Variants in ABLIM2 observed in about 807,000 individuals in gnomAD.
The protein encoded by ABLIM2 is actin-binding LIM protein 2.
Under a neutral mutation model 97.7 loss-of-function variants are expected in ABLIM2, and 53 were observed. The ratio of observed to expected loss-of-function variants is 0.54; its 90% CI spans 0.44 to 0.68. ABLIM2 has a LOEUF of 0.68. Ranked by LOEUF, ABLIM2 falls within the 30% of genes least tolerant of loss-of-function variation. The probability of loss-of-function intolerance (pLI) is 0.00; values close to 1 mark genes in which losing one functional copy is unlikely to be tolerated. For missense variants in ABLIM2, 835 were observed against 867.2 expected, an observed-to-expected ratio of 0.96 and a Z score of 0.47; for synonymous variants, 361 against 345.8, an observed-to-expected ratio of 1.04 and a Z score of -0.49.
intron 15 of ABLIM2, 31 bp downstream of exon 15, chr4:8,009,019 G>T: frequency 1.2e-6 from 2 of 1,613,216 alleles, no homozygotes; most frequent in Non-Finnish European, 1.7e-6. Flanking sequence ...GAGCAAGGCT[G>T]TTCTCAGCCA....
intron 1 of ABLIM2, among the ~76,000 whole-genome samples, chr4:8,145,821 G>A (rs188300837): frequency 8.1e-5 from 12 of 147,966 alleles, no homozygotes; most frequent in East Asian, 6.0e-4. Flanking sequence ...TGTCAATACC[G>A]CTCACAGCCC....
intron 1 of ABLIM2, among the ~76,000 whole-genome samples, chr4:8,143,489 C>T (rs1222645887): frequency 1.3e-5 from 2 of 152,106 alleles, no homozygotes; most frequent in African/African-American, 4.8e-5. Flanking sequence ...CATACTCTCC[C>T]TCCCATCTCG....
rs1316051430 is a variant in ABLIM2 at position 8,085,616 on chromosome 4, C to T, written c.454+2553G>A. Among the ~76,000 whole-genome samples, 2 of 150,318 alleles carry T rather than the reference C, an allele frequency of 1.3e-5. No homozygotes were observed. Among genetic ancestry groups the T allele is most frequent in the Admixed American group, 6.6e-5 (1 of 15,088 alleles). ...CTCACGCGGGTCTGGGGGGTGCCCA[C>T]GCTGCAGCCCTGTCCACTCACGCAG... On this transcript the variant is annotated intron_variant, in intron 4 of 20. Coordinates refer to ENST00000447017, the MANE Select transcript of ABLIM2 (RefSeq NM_001130083.2). This position sits in a 1 kb window ranked among gnomAD's most constrained non-coding sequence, Gnocchi z 6.1.
rs141107378 is a variant in ABLIM2, at chr4:8,068,230, C to T, written c.676-7176G>A. Among the ~76,000 whole-genome samples the T allele has an allele frequency of 1.5e-3, 223 of 152,240 alleles. 1 individual carries two copies. Among genetic ancestry groups the T allele is most frequent in the African/African-American group, 4.9e-3 (203 of 41,554 alleles). ...CGCCCGCGTGGGGCTCATGATGGCTCGGATTTCAAAATATATGAGCAACTG... is the reference window on the plus strand; with the variant it reads ...CGCCCGCGTGGGGCTCATGATGGCTTGGATTTCAAAATATATGAGCAACTG... On this transcript the variant is annotated intron_variant, in intron 6 of 20. Coordinates refer to ENST00000447017, the MANE Select transcript of ABLIM2 (RefSeq NM_001130083.2). This position sits in a 1 kb window ranked among gnomAD's most constrained non-coding sequence, Gnocchi z 4.5.
In ABLIM2 at chr4:8,033,541, C is replaced by T. The variant is rs778698696; in HGVS notation, c.1047+2608G>A. 2.0e-5 allele frequency among the ~76,000 whole-genome samples: 3 copies of T among 152,162 alleles called. No homozygotes were observed. The highest frequency in any genetic ancestry group is 1.9e-4 in the East Asian group (1 of 5,186). ...CAGGAGCCCAGCCCTGTCCACCTGC[C>T]GAGGCAGGCCCCATGGGGTCGCACT... On this transcript the variant is annotated intron_variant, in intron 10 of 20. Transcript: ENST00000447017. The surrounding 1 kb of genome is among the most constrained non-coding windows in gnomAD (Gnocchi z 4.5).
chr4:8,028,634 ATCACTCATTCAC>A (rs1313572365), intron 11 of ABLIM2, among the ~76,000 whole-genome samples: 1 of 150,448 alleles, frequency 6.6e-6, no homozygotes, highest in East Asian at 1.9e-4. Context: ...CACTCATTCA[ATCACTCATTCAC>A]TCACTGACCC....
At position 8,072,031 on chromosome 4, in the gene ABLIM2, G is replaced by A. The variant is rs1001876304; in HGVS notation, c.675+5597C>T. 816 of 985,438 alleles carry A rather than the reference G, an allele frequency of 8.3e-4. No individual in the cohort carries two copies. Among genetic ancestry groups the A allele is most frequent in the Non-Finnish European group, 9.3e-4 (776 of 829,956 alleles). 61.0% of individuals were successfully genotyped at this position (985,438 alleles called of 1,614,324 possible). ...CGCCCGCAGTTCCCACCTTGCACCC[G>A]GGGAGGATGCTCAGAGCTGTGCAGA... On this transcript the variant is annotated intron_variant, in intron 6 of 20. Coordinates refer to ENST00000447017, the MANE Select transcript of ABLIM2 (RefSeq NM_001130083.2). This position sits in a 1 kb window ranked among gnomAD's most constrained non-coding sequence, Gnocchi z 5.8.
At chr4:8,089,450 T>G (rs188902895) in intron 3 of ABLIM2, among the ~76,000 whole-genome samples, 2 of 152,240 alleles carry the variant, frequency 1.3e-5, no homozygotes, top group Non-Finnish European at 1.5e-5. Context: ...AAATCCCCTG[T>G]GTGGCCAGGC....
intron 9 of ABLIM2, among the ~76,000 whole-genome samples, chr4:8,042,987 C>CA (rs1560894060): frequency 6.6e-6 from 1 of 151,930 alleles, no homozygotes; most frequent in Non-Finnish European, 1.5e-5. Flanking sequence ...CTCATCTCAA[C>CA]AAAAAATACA....
intron 16 of ABLIM2, among the ~76,000 whole-genome samples, chr4:7,994,614 A>AC (rs1751775036): frequency 2.4e-5 from 2 of 82,596 alleles, no homozygotes; most frequent in African/African-American, 7.1e-5. Context: ...GTATATACCC[A>AC]GTAATGGGAT....
Position 8,044,179 on chromosome 4 carries a change from G to A in ABLIM2, c.900+985C>T, listed in dbSNP as rs1214451854. Among the ~76,000 whole-genome samples the A allele has an allele frequency of 6.6e-6, 1 of 152,208 alleles. No individual in the cohort carries two copies. Reference sequence around the variant, plus strand: ...TAAAGTTCTGGAGCCTAGAAACCCAGTGGATCCAGCCTCCGCTGAGGCATG... The same window carrying A: ...TAAAGTTCTGGAGCCTAGAAACCCAATGGATCCAGCCTCCGCTGAGGCATG... On this transcript the variant is annotated intron_variant, in intron 9 of 20. Transcript: ENST00000447017. This position sits in a 1 kb window ranked among gnomAD's most constrained non-coding sequence, Gnocchi z 4.4.
chr4:8,112,184 A>G lies in ABLIM2; in HGVS notation c.11-5547T>C, dbSNP rs1840671286. Among the ~76,000 whole-genome samples, 3 of 152,166 alleles carry G rather than the reference A, an allele frequency of 2.0e-5. No individual in the cohort carries two copies. Among genetic ancestry groups the G allele is most frequent in the Admixed American group, 6.5e-5 (1 of 15,276 alleles). On this transcript the variant is annotated intron_variant, in intron 1 of 20. Coordinates refer to ENST00000447017, the MANE Select transcript of ABLIM2 (RefSeq NM_001130083.2). This position sits in a 1 kb window ranked among gnomAD's most constrained non-coding sequence, Gnocchi z 4.2. The stretch of plus-strand genomic sequence containing the variant: ...ATGATTGCTGGTGTCGTTAACACAC[A>G]ACCTTCACAACAAAGGGACGTGGCT...
chr4:8,029,899 C>G, intron 10 of ABLIM2, 123 bp from the exon 11 acceptor site: 1 of 1,320,098 alleles, frequency 7.6e-7, no homozygotes, highest in Non-Finnish European at 1.0e-6. Flanking sequence ...TCAACATGGC[C>G]CCATGTGGGA....
intron 8 of ABLIM2, among the ~76,000 whole-genome samples, chr4:8,051,059 G>A (rs571939296): frequency 3.2e-4 from 48 of 152,380 alleles, no homozygotes; most frequent in African/African-American, 1.1e-3. Flanking sequence ...GCTGGCATCA[G>A]TGGGGACAGT....
At chr4:8,135,461 T>C (rs1850054083) in intron 1 of ABLIM2, among the ~76,000 whole-genome samples, 1 of 152,122 alleles carries the variant, frequency 6.6e-6, no homozygotes, top group Admixed American at 6.5e-5. Flanking sequence ...AGTTCATGAG[T>C]GTGGAAGCTT....
chr4:7,981,399 A>G (rs1255294853), intron 20 of ABLIM2, among the ~76,000 whole-genome samples: 1 of 152,172 alleles, frequency 6.6e-6, no homozygotes, highest in Non-Finnish European at 1.5e-5. Flanking sequence ...AGACCGAACC[A>G]ATGTGTACCT....
chr4:8,035,966 G>A (rs533720446), intron 10 of ABLIM2, among the ~76,000 whole-genome samples, 183 bp downstream of exon 10: 71 of 152,302 alleles, frequency 4.7e-4, no homozygotes, highest in African/African-American at 1.4e-3. Flanking sequence ...CAGTGCCTTG[G>A]GCATTACTGA....
intron 1 of ABLIM2, among the ~76,000 whole-genome samples, chr4:8,158,344 C>A (rs1256179213): frequency 6.6e-6 from 1 of 152,184 alleles, no homozygotes; most frequent in East Asian, 1.9e-4. Context: ...ACCCCAGGCC[C>A]CCGCGCGGAC....
chr4:8,080,860 G>T, intron 4 of ABLIM2, 58 bp from the exon 5 acceptor site: 1 of 1,549,550 alleles, frequency 6.5e-7, no homozygotes, highest in Non-Finnish European at 8.8e-7. Context: ...TGTTGGGGAG[G>T]CCTCCTGCTC....
Sources: allele counts gnomAD v4.1 joint callset (sites outside exome capture counted in the v4.1 genomes callset), GRCh38; gene constraint gnomAD v4.1.1; non-coding constraint Gnocchi (gnomAD v3.1); transcripts MANE v1.5; gene names NCBI Gene and HGNC (gene_info 2026-07-23, HGNC 2026-07-21).